Variants in CLSTN2 observed in about 807,000 individuals in gnomAD.
CLSTN2 encodes calsyntenin 2.
A neutral mutation model predicts 101.2 loss-of-function variants in CLSTN2; 48 were observed. The observed-to-expected ratio is 0.47, with a 90% CI of 0.38 to 0.60. The LOEUF (loss-of-function observed/expected upper bound fraction) is 0.60. CLSTN2 is among the 20% of genes least tolerant of loss of function. CLSTN2 has a pLI of 0.00. For synonymous variants in CLSTN2, 481 were observed against 463.6 expected (o/e 1.04, Z -0.48); for missense variants, 1,160 against 1,238.2 (o/e 0.94, Z 0.95).
chr3:140,185,697 G>T (rs962941898), intron 2 of CLSTN2, among the ~76,000 whole-genome samples: 6 of 152,088 alleles, frequency 3.9e-5, no homozygotes, highest in Non-Finnish European at 7.4e-5. Context: ...TGGAGATGGT[G>T]GGGGGCACGT....
rs926834612 is a variant in CLSTN2, at chr3:140,001,619, C to T, written c.109+66136C>T. 7.2e-5 allele frequency among the ~76,000 whole-genome samples: 11 copies of T among 152,048 alleles called. No individual in the cohort carries two copies. The East Asian group carries it at 1.2e-3, about 16-fold the overall frequency. On this transcript the variant is annotated intron_variant, in intron 1 of 16. Coordinates refer to ENST00000458420, the MANE Select transcript of CLSTN2 (RefSeq NM_022131.3). Reference sequence around the variant, plus strand: ...AGCCATTTATCCTTTGTGTTACAAACGATCCAAAATACTTTTTTTAAGCTA... The same window carrying T: ...AGCCATTTATCCTTTGTGTTACAAATGATCCAAAATACTTTTTTTAAGCTA...
chr3:140,264,637 T>C (rs553658748), intron 2 of CLSTN2, among the ~76,000 whole-genome samples: 1 of 152,070 alleles, frequency 6.6e-6, no homozygotes, highest in East Asian at 1.9e-4. Flanking sequence ...GAACTGGCTA[T>C]AGTTGATAAT....
chr3:139,964,982 T>A (rs1935568526), intron 1 of CLSTN2, among the ~76,000 whole-genome samples: 1 of 152,174 alleles, frequency 6.6e-6, no homozygotes, highest in African/African-American at 2.4e-5. Context: ...CCCCAATTCA[T>A]CTTGATGGCA....
intron 2 of CLSTN2, among the ~76,000 whole-genome samples, chr3:140,283,786 T>C (rs1224436966): frequency 6.6e-6 from 1 of 152,230 alleles, no homozygotes; most frequent in Non-Finnish European, 1.5e-5. Flanking sequence ...TCCCCTTCTC[T>C]CATTAATTGA....
intron 2 of CLSTN2, among the ~76,000 whole-genome samples, chr3:140,337,176 T>C (rs576317458): frequency 6.6e-6 from 1 of 152,334 alleles, no homozygotes; most frequent in Admixed American, 6.5e-5. Context: ...TATATTTATT[T>C]CTTGGATCCG....
intron 2 of CLSTN2, among the ~76,000 whole-genome samples, chr3:140,219,108 T>G (rs1328202555): frequency 6.6e-6 from 1 of 151,988 alleles, no homozygotes; most frequent in Non-Finnish European, 1.5e-5. Flanking sequence ...TCATGTATCA[T>G]GTATCCAAAC....
chr3:140,229,402 C>T (rs1379017294), intron 2 of CLSTN2, among the ~76,000 whole-genome samples: 2 of 152,140 alleles, frequency 1.3e-5, no homozygotes, highest in African/African-American at 2.4e-5. Context: ...AAACTGGTCA[C>T]TTAGATGCTG....
At chr3:140,042,485 G>A (rs763989879) in intron 1 of CLSTN2, among the ~76,000 whole-genome samples, 2 of 152,028 alleles carry the variant, frequency 1.3e-5, no homozygotes, top group Non-Finnish European at 2.9e-5. Context: ...CAGTTGATGG[G>A]CCCTAGCCCA....
intron 2 of CLSTN2, among the ~76,000 whole-genome samples, chr3:140,265,205 C>G (rs2086685094): frequency 6.6e-6 from 1 of 151,154 alleles, no homozygotes; most frequent in South Asian, 2.1e-4. Flanking sequence ...CTCAGGCCCT[C>G]AACCATGCAT....
chr3:140,054,568 C>T (rs2008061008), intron 1 of CLSTN2, among the ~76,000 whole-genome samples: 1 of 152,206 alleles, frequency 6.6e-6, no homozygotes, highest in Admixed American at 6.5e-5. Context: ...TACCCACTGA[C>T]TTATACACTC....
At chr3:140,357,844 C>G (rs551087577) in intron 2 of CLSTN2, among the ~76,000 whole-genome samples, 1 of 152,232 alleles carries the variant, frequency 6.6e-6, no homozygotes, top group East Asian at 1.9e-4. Context: ...GCTGAGCTGA[C>G]CAACCTCAAT....
At chr3:140,123,803 CATAT>C (rs150523094) in intron 1 of CLSTN2, among the ~76,000 whole-genome samples, 1 of 144,928 alleles carries the variant, frequency 6.9e-6, no homozygotes, top group African/African-American at 2.5e-5. Flanking sequence ...GAGATGGAGA[CATAT>C]ATATATATAT....
chr3:140,274,833 G>A (rs9816964), intron 2 of CLSTN2, among the ~76,000 whole-genome samples: 130,990 of 152,190 alleles, frequency 0.86, 57,984 homozygotes, highest in East Asian at 0.96. Flanking sequence ...AAGCGGGTCA[G>A]AATTTAAGCT....
intron 1 of CLSTN2, among the ~76,000 whole-genome samples, chr3:140,078,849 A>C (rs2008538855): frequency 6.6e-6 from 1 of 152,190 alleles, no homozygotes; most frequent in Admixed American, 6.5e-5. Context: ...TCAGGGAAAA[A>C]ATCAACTTTC....
At chr3:140,340,798 G>A (rs897109534) in intron 2 of CLSTN2, among the ~76,000 whole-genome samples, 1 of 152,114 alleles carries the variant, frequency 6.6e-6, no homozygotes, top group South Asian at 2.1e-4. Flanking sequence ...TAGCTGTCAC[G>A]TCTTCTTAGA....
intron 1 of CLSTN2, among the ~76,000 whole-genome samples, chr3:139,979,762 C>T (rs1305762856): frequency 6.6e-6 from 1 of 152,056 alleles, no homozygotes; most frequent in African/African-American, 2.4e-5. Flanking sequence ...CTTTACTCTG[C>T]TTTCTGCTGT....
intron 1 of CLSTN2, among the ~76,000 whole-genome samples, chr3:140,102,436 A>C (rs1015986099): frequency 1.3e-5 from 2 of 152,234 alleles, no homozygotes; most frequent in African/African-American, 4.8e-5. Flanking sequence ...GTGACTGAGC[A>C]GGTGACTTCA....
At chr3:140,405,463 G>C (rs1247971718) in intron 4 of CLSTN2, among the ~76,000 whole-genome samples, 1 of 152,152 alleles carries the variant, frequency 6.6e-6, no homozygotes, top group Admixed American at 6.6e-5. Context: ...CTGACCTCAA[G>C]TGATCCACCC....
chr3:140,261,087 C>T (rs934694397), intron 2 of CLSTN2, among the ~76,000 whole-genome samples: 9 of 152,114 alleles, frequency 5.9e-5, no homozygotes, highest in African/African-American at 1.4e-4. Flanking sequence ...TATAAAGTTA[C>T]TCATTTTTCC....
Sources: gnomAD v4.1 joint callset for allele counts (sites outside exome capture counted in the v4.1 genomes callset) on GRCh38, gnomAD v4.1.1 for gene constraint, MANE v1.5 for transcripts, NCBI Gene and HGNC (gene_info 2026-07-23, HGNC 2026-07-21) for gene names.